THAP4: variants seen among roughly 807,000 people sequenced by gnomAD.
THAP4 encodes peroxynitrite isomerase THAP4.
THAP4 carries 18 observed loss-of-function variants against 48.1 expected under a neutral mutation model. The ratio of observed to expected loss-of-function variants is 0.37; its 90% CI spans 0.26 to 0.56. THAP4 has a LOEUF of 0.56. Ranked by LOEUF, THAP4 falls within the 20% of genes least tolerant of loss-of-function variation. The pLI is 0.78. For missense variants in THAP4, 656 were observed against 774.9 expected (o/e 0.85, Z 1.82); for synonymous variants, 345 against 324.9 (o/e 1.06, Z -0.66).
At chr2:241,585,953 G>GAA (rs2066891320) in intron 5 of THAP4, among the ~76,000 whole-genome samples, 2 of 131,554 alleles carry the variant, frequency 1.5e-5, no homozygotes, top group African/African-American at 2.8e-5. Context: ...AAAAGAAAAA[G>GAA]AAAGAAAAAA....
intron 5 of THAP4, among the ~76,000 whole-genome samples, chr2:241,590,772 G>T (rs75462835): frequency 2.3e-3 from 192 of 83,402 alleles, no homozygotes; most frequent in South Asian, 4.2e-3. Context: ...CTGATGATGA[G>T]GGGCACTAGG....
chr2:241,623,585 G>GA (rs1481756961), intron 2 of THAP4, among the ~76,000 whole-genome samples: 1 of 107,748 alleles, frequency 9.3e-6, no homozygotes, highest in Non-Finnish European at 2.0e-5. Context: ...TCTCAAGAAA[G>GA]AAAAAAGGAA....
chr2:241,609,055 A>C (rs1026610364), intron 2 of THAP4, among the ~76,000 whole-genome samples: 1 of 152,216 alleles, frequency 6.6e-6, no homozygotes, highest in Non-Finnish European at 1.5e-5. Flanking sequence ...GAAGCCCTCG[A>C]GAAGGCTGAG....
At chr2:241,597,803 C>T (rs1362328348) in intron 5 of THAP4, among the ~76,000 whole-genome samples, 2 of 152,144 alleles carry the variant, frequency 1.3e-5, no homozygotes, top group African/African-American at 2.4e-5. Flanking sequence ...GGTAGAGGTC[C>T]CCAAAGCCCC....
chr2:241,629,694 T>C (rs2067534467), intron 2 of THAP4, among the ~76,000 whole-genome samples: 1 of 151,404 alleles, frequency 6.6e-6, no homozygotes, highest in Non-Finnish European at 1.5e-5. Flanking sequence ...AATGAAGAAA[T>C]AAGACGTTAA....
intron 2 of THAP4, 112 bp from the exon 3 acceptor site, chr2:241,606,585 T>C (rs578074853): frequency 1.9e-6 from 2 of 1,062,236 alleles, no homozygotes; most frequent in African/African-American, 1.6e-5. Flanking sequence ...CCACAGCTAA[T>C]CCTGGGGGAC....
chr2:241,634,217 A>C (rs1405905167), intron 1 of THAP4, 138 bp from the exon 2 acceptor site: 3 of 616,142 alleles, frequency 4.9e-6, no homozygotes, highest in Non-Finnish European at 8.1e-6. Flanking sequence ...AATACTTCAA[A>C]AAGATTTAAA....
At chr2:241,607,539 T>A (rs999647203) in intron 2 of THAP4, among the ~76,000 whole-genome samples, 1 of 151,216 alleles carries the variant, frequency 6.6e-6, no homozygotes, top group South Asian at 2.1e-4. Flanking sequence ...AGTGCTTCAA[T>A]TGACAGAACG....
In THAP4 at chr2:241,584,691, T is replaced by G; in HGVS notation, c.1649A>C (p.Lys550Thr). The change falls in exon 6 of 6, where the codon AAA (lysine) becomes ACA (threonine). Residue 550 changes from lysine (K) to threonine (T), a missense_variant. Around this residue, in one of 4 missense-constraint regions of THAP4, gnomAD observed 176 missense variants for 256.7 expected, o/e 0.69. Transcript: ENST00000407315. Reference sequence around the variant, plus strand: ...TGCCATGGAGACCGTCTGCTCAAGTTTGCCTTCAGAATTCAGCCTGAACTT... The same window carrying G: ...TGCCATGGAGACCGTCTGCTCAAGTGTGCCTTCAGAATTCAGCCTGAACTT... The part of the protein sequence containing the change: ...TRKFRLNSEG[K>T]LEQTVSMATT... 1 of 1,614,212 alleles carries G rather than the reference T, an allele frequency of 6.2e-7. No individual in the cohort carries two copies. Among genetic ancestry groups the G allele is most frequent in the Non-Finnish European group, 8.5e-7 (1 of 1,180,038 alleles).
chr2:241,606,515 C>A (rs764550867), intron 2 of THAP4, 42 bp from the exon 3 acceptor site: 1 of 1,537,554 alleles, frequency 6.5e-7, no homozygotes, highest in East Asian at 2.4e-5. Flanking sequence ...CTCCCTCCAA[C>A]CATGCCTTGC....
intron 1 of THAP4, among the ~76,000 whole-genome samples, 190 bp downstream of exon 1, chr2:241,636,751 G>A (rs913673250): frequency 1.3e-5 from 2 of 150,960 alleles, no homozygotes. Flanking sequence ...GGGGGCGGCT[G>A]CGCTGCCCGA....
chr2:241,606,002 C>T (rs997336884), intron 3 of THAP4, among the ~76,000 whole-genome samples: 3 of 152,188 alleles, frequency 2.0e-5, no homozygotes, highest in Non-Finnish European at 1.5e-5. Context: ...TATGAGCTAC[C>T]GCACTGGCCA....
In THAP4 at chr2:241,603,000, T is replaced by G; in HGVS notation, c.1480A>C (p.Lys494Gln). ...GFIRLKPDTN[K>Q]VAFVSAQNTG... ...TTCTGGGCGCTGACAAAGGCCACCTTGTTGGTGTCGGGCTTGAGGCGAATG... is the reference window on the plus strand; with the variant it reads ...TTCTGGGCGCTGACAAAGGCCACCTGGTTGGTGTCGGGCTTGAGGCGAATG... Residue 494 changes from lysine to glutamine, a missense_variant, in exon 4 of 6, where the codon AAG becomes CAG. Physicochemically the swap from Lys to Gln is moderately conservative, Grantham distance 53. Coordinates refer to ENST00000407315, the MANE Select transcript of THAP4 (RefSeq NM_015963.6). 1.2e-6 allele frequency: 2 copies of G among 1,614,040 alleles called. No homozygotes were observed. Among genetic ancestry groups the G allele is most frequent in the Non-Finnish European group, 1.7e-6 (2 of 1,179,920 alleles).
chr2:241,615,288 C>T (rs112424214), intron 2 of THAP4, among the ~76,000 whole-genome samples: 1,696 of 152,120 alleles, frequency 0.011, 29 homozygotes, highest in African/African-American at 0.039. Flanking sequence ...AAACTCACCA[C>T]GGGAACACCT....
intron 5 of THAP4, among the ~76,000 whole-genome samples, chr2:241,598,941 A>G (rs1055000675): frequency 1.3e-5 from 2 of 152,056 alleles, no homozygotes; most frequent in African/African-American, 4.8e-5. Flanking sequence ...AAAAAAGTAG[A>G]AAAATTTTAC....
chr2:241,590,177 C>T (rs1289592467), intron 5 of THAP4, among the ~76,000 whole-genome samples: 5 of 142,306 alleles, frequency 3.5e-5, no homozygotes, highest in Admixed American at 2.8e-4. Context: ...CTCAGCTGCC[C>T]GGCTGATGAT....
At chr2:241,593,962 C>T (rs556092040) in intron 5 of THAP4, among the ~76,000 whole-genome samples, 51 of 152,264 alleles carry the variant, frequency 3.3e-4, no homozygotes, top group African/African-American at 8.7e-4. Context: ...TGGGATTACA[C>T]GTGTGAGCCA....
rs536795803 is a variant in THAP4, at chr2:241,601,937, T to C, written c.1573A>G (p.Ile525Val). Residue 525 changes from isoleucine (I) to valine (V), a missense_variant, in exon 5 of 6, where the codon ATC (isoleucine) becomes GTC (valine). Ile to Val is a conservative substitution (Grantham distance 29). Transcript: ENST00000407315. This position sits in a 1 kb window ranked among gnomAD's most constrained non-coding sequence, Gnocchi z 4.0. ...TCCTTGGCGAAGGAGATCCTGGCGA[T>C]GGAGTGGGATGCGATGCACAGCTCC... ...GQELCIASHS[I>V]ARISFAKEPH... The C allele has an allele frequency of 3.7e-6, 6 of 1,613,414 alleles. No individual in the cohort carries two copies. In the East Asian group the frequency reaches 6.7e-5, roughly 18 times the overall value.
rs543187593 is a variant in THAP4 at position 241,589,734 on chromosome 2, T to C, written c.1615-5009A>G. Among the ~76,000 whole-genome samples the C allele has an allele frequency of 2.0e-5, 3 of 152,258 alleles. No homozygotes were observed. In the South Asian group the frequency reaches 6.2e-4, roughly 32 times the overall value. On this transcript the variant is annotated intron_variant, in intron 5 of 5. Transcript: ENST00000407315. ...GTCCACACAAAGTTAGGTCTACACA[T>C]GCTTACAGCTTTATTCCTAATAGCC...
Sources: allele counts gnomAD v4.1 joint callset (sites outside exome capture counted in the v4.1 genomes callset), GRCh38; gene constraint gnomAD v4.1.1; regional missense constraint gnomAD v4.1.1; non-coding constraint Gnocchi (gnomAD v3.1); transcripts MANE v1.5; gene names NCBI Gene and HGNC (gene_info 2026-07-23, HGNC 2026-07-21).